Variants in AFF1 observed in about 807,000 individuals in gnomAD.
AFF1 encodes ALF transcription elongation factor 1, also known as AF4/FMR2 family member 1.
Under a neutral mutation model 121.7 loss-of-function variants are expected in AFF1, and 48 were observed. The ratio of observed to expected loss-of-function variants is 0.39; its 90% CI spans 0.31 to 0.50. The LOEUF is 0.50. Among genes scored for constraint, AFF1 ranks in the 20% least tolerant of loss-of-function variants. The pLI, the probability that AFF1 is intolerant of heterozygous loss-of-function variation, is 0.76. For missense variants in AFF1, 1,523 were observed against 1,511.7 expected, an observed-to-expected ratio of 1.01 and a Z score of -0.12; for synonymous variants, 613 against 563.0, an observed-to-expected ratio of 1.09 and a Z score of -1.26.
intron 4 of AFF1, 70 bp from the exon 5 acceptor site, chr4:87,084,050 A>G: frequency 7.2e-7 from 1 of 1,383,528 alleles, no homozygotes; most frequent in Non-Finnish European, 1.0e-6. Flanking sequence ...GCATTAATAC[A>G]GTCATCCACC....
chr4:86,979,108 A>AT (rs1327179009), intron 2 of AFF1, among the ~76,000 whole-genome samples: 2 of 151,242 alleles, frequency 1.3e-5, no homozygotes, highest in Non-Finnish European at 3.0e-5. Flanking sequence ...CTCTCTTTTT[A>AT]TTTTTTTGAG....
chr4:86,935,712 G>C (rs1242494669), intron 1 of AFF1: 1 of 152,170 alleles, frequency 6.6e-6, no homozygotes, highest in Non-Finnish European at 1.5e-5. Flanking sequence ...AGAGAGATGA[G>C]GGCTTCCCGC....
chr4:87,001,849 T>C (rs1218232152), intron 2 of AFF1, among the ~76,000 whole-genome samples: 2 of 152,316 alleles, frequency 1.3e-5, no homozygotes, highest in Non-Finnish European at 1.5e-5. Flanking sequence ...CTGTGTCTGC[T>C]TCACTTGAGA....
Position 87,138,303 on chromosome 4 carries a change from C to T in AFF1, c.*2602C>T, listed in dbSNP as rs1729458363. On this transcript the variant is annotated 3_prime_UTR_variant, in exon 21 of 21. Coordinates refer to ENST00000395146, the MANE Select transcript of AFF1 (RefSeq NM_001166693.3). ...TAAAATGATTTGCACTTTTTCACTG[C>T]ATGCTTACAATTCCCAAAGGCAAAA... The T allele has an allele frequency of 4.3e-6, 1 of 232,304 alleles. No homozygotes were observed. The highest frequency in any genetic ancestry group is 5.6e-5 in the Admixed American group (1 of 17,756). 14.4% of individuals were successfully genotyped at this position (232,304 alleles called of 1,614,324 possible). A position where few individuals can be genotyped will look rare whatever the true frequency, so the allele number is the denominator to read the frequency against.
intron 1 of AFF1, among the ~76,000 whole-genome samples, chr4:86,943,983 C>A (rs1720659342): frequency 6.6e-6 from 1 of 150,424 alleles, no homozygotes; most frequent in Admixed American, 6.6e-5. Flanking sequence ...ACAATAATAA[C>A]ATAAAATGAA....
intron 2 of AFF1, among the ~76,000 whole-genome samples, chr4:86,957,853 C>T (rs921409918): frequency 4.6e-5 from 7 of 151,780 alleles, no homozygotes; most frequent in East Asian, 2.0e-4. Flanking sequence ...TGAGCCACTG[C>T]GCCTAGCCTG....
At chr4:86,942,764 A>C (rs775885061) in intron 1 of AFF1, among the ~76,000 whole-genome samples, 2 of 152,156 alleles carry the variant, frequency 1.3e-5, no homozygotes, top group Non-Finnish European at 2.9e-5. Flanking sequence ...TTGAATATGA[A>C]TGAGATCTCT....
intron 12 of AFF1, among the ~76,000 whole-genome samples, chr4:87,119,643 T>C (rs1727483008): frequency 6.6e-6 from 1 of 152,210 alleles, no homozygotes; most frequent in African/African-American, 2.4e-5. Flanking sequence ...TAGGAGCTCA[T>C]AGAGATAATT....
intron 4 of AFF1, among the ~76,000 whole-genome samples, chr4:87,050,434 CTT>C (rs529168272): frequency 6.2e-4 from 94 of 152,240 alleles, no homozygotes; most frequent in African/African-American, 2.1e-3. Context: ...GAAAGTCACT[CTT>C]TTTATTTTTT....
chr4:87,045,065 G>A (rs1730536092), intron 2 of AFF1, among the ~76,000 whole-genome samples: 4 of 152,096 alleles, frequency 2.6e-5, no homozygotes, highest in South Asian at 4.1e-4. Context: ...TGTGGGGGAG[G>A]CAGGGAGACC....
chr4:87,053,542 C>A (rs1731469298), intron 4 of AFF1, among the ~76,000 whole-genome samples: 1 of 152,226 alleles, frequency 6.6e-6, no homozygotes, highest in African/African-American at 2.4e-5. Flanking sequence ...ATGATCTAAA[C>A]CTTCAGGCGG....
chr4:87,096,856 G>A (rs1724922644), intron 8 of AFF1, among the ~76,000 whole-genome samples: 2 of 152,216 alleles, frequency 1.3e-5, no homozygotes, highest in South Asian at 4.1e-4. Flanking sequence ...TGATCCTCCT[G>A]CCGCAGCTTC....
At chr4:87,073,241 T>C (rs1722277594) in intron 4 of AFF1, among the ~76,000 whole-genome samples, 1 of 134,578 alleles carries the variant, frequency 7.4e-6, no homozygotes. Context: ...TTCTAGACCC[T>C]AGTAATTAAC....
intron 4 of AFF1, among the ~76,000 whole-genome samples, chr4:87,052,459 A>C (rs1731367692): frequency 6.6e-6 from 1 of 151,852 alleles, no homozygotes; most frequent in South Asian, 2.1e-4. Context: ...AACAGAAATG[A>C]GGGGAGTATG....
rs760503797 is a variant in AFF1 at position 87,132,266 on chromosome 4, C to T, written c.3174-5C>T. ...GTGCAGTTTCACTTCTGTCTTTGTT[C>T]ATAGCATGCGTTGCCAGTCCATTTT... is the stretch of plus-strand genomic sequence containing the variant. On this transcript the variant is annotated splice_region_variant and splice_polypyrimidine_tract_variant and intron_variant, in intron 18 of 20. Transcript: ENST00000395146. 1 of 1,610,072 alleles carries T rather than the reference C, an allele frequency of 6.2e-7. No homozygotes were observed. The highest frequency in any genetic ancestry group is 8.5e-7 in the Non-Finnish European group (1 of 1,178,592).
In AFF1 at chr4:87,131,064, C is replaced by G; in HGVS notation, c.2965-19C>G. Reference sequence around the variant, plus strand: ...AGGTTTGTCTTCAGCCTAACAATGACCATGTTCTTCTCCTGCAGACGGACA... The same window carrying G: ...AGGTTTGTCTTCAGCCTAACAATGAGCATGTTCTTCTCCTGCAGACGGACA... On this transcript the variant is annotated intron_variant, in intron 16 of 20. Transcript: ENST00000395146. 1 of 1,612,956 alleles carries G rather than the reference C, an allele frequency of 6.2e-7. No individual in the cohort carries two copies.
chr4:87,096,218 C>T (rs1724830842), intron 8 of AFF1, among the ~76,000 whole-genome samples: 1 of 151,080 alleles, frequency 6.6e-6, no homozygotes, highest in African/African-American at 2.4e-5. Flanking sequence ...ATTTGTGATA[C>T]TGGTAGATGA....
At chr4:87,073,361 A>G (rs962084396) in intron 4 of AFF1, among the ~76,000 whole-genome samples, 2 of 149,064 alleles carry the variant, frequency 1.3e-5, no homozygotes, top group Admixed American at 6.7e-5. Context: ...GTCAAGGACA[A>G]GGTCGTCTTT....
intron 2 of AFF1, among the ~76,000 whole-genome samples, chr4:86,985,411 T>C (rs1023590431): frequency 2.2e-4 from 33 of 148,868 alleles, no homozygotes; most frequent in African/African-American, 7.5e-4. Context: ...CTCAGGAGCC[T>C]GAGACAGGAG....
Sources: gnomAD v4.1 joint callset for allele counts (sites outside exome capture counted in the v4.1 genomes callset) on GRCh38, gnomAD v4.1.1 for gene constraint, MANE v1.5 for transcripts, NCBI Gene and HGNC (gene_info 2026-07-23, HGNC 2026-07-21) for gene names.